Variants in KIAA1671 observed in about 807,000 individuals in gnomAD.
The protein encoded by KIAA1671 is uncharacterized protein KIAA1671.
KIAA1671 carries 52 observed loss-of-function variants against 131.2 expected under a neutral mutation model. That is an observed-to-expected ratio of 0.40 (90% confidence interval 0.32 to 0.50). KIAA1671 has a LOEUF of 0.50. Ranked by LOEUF, KIAA1671 falls within the 20% of genes least tolerant of loss-of-function variation. KIAA1671 has a pLI of 0.73. For missense variants in KIAA1671, 2,360 were observed against 2,364.2 expected (o/e 1.00, Z 0.04); for synonymous variants, 1,003 against 961.6 (o/e 1.04, Z -0.80).
At chr22:24,966,044 G>A (rs566919268) in intron 1 of KIAA1671, among the ~76,000 whole-genome samples, 8 of 152,276 alleles carry the variant, frequency 5.3e-5, no homozygotes, top group South Asian at 2.1e-4. Flanking sequence ...GAGGTGAAAC[G>A]CCTTGCTTCG....
chr22:25,105,225 T>C (rs1930936863), intron 6 of KIAA1671, among the ~76,000 whole-genome samples: 1 of 152,196 alleles, frequency 6.6e-6, no homozygotes, highest in Non-Finnish European at 1.5e-5. Flanking sequence ...TTTCGCCATG[T>C]TGGCCATGCT....
intron 6 of KIAA1671, chr22:25,052,294 C>G (rs1019512189): frequency 6.6e-6 from 1 of 152,278 alleles, no homozygotes; most frequent in Admixed American, 6.5e-5. Context: ...GCAGAGGGTG[C>G]CTGGGACCTG....
At chr22:24,991,158 T>G (rs958734949) in intron 1 of KIAA1671, among the ~76,000 whole-genome samples, 5 of 152,156 alleles carry the variant, frequency 3.3e-5, no homozygotes, top group African/African-American at 1.2e-4. Context: ...TAGCTGGGAC[T>G]ACAGGCACAC....
At chr22:24,988,820 G>C (rs1923690932) in intron 1 of KIAA1671, among the ~76,000 whole-genome samples, 1 of 152,024 alleles carries the variant, frequency 6.6e-6, no homozygotes, top group South Asian at 2.1e-4. Flanking sequence ...GATGGGGAGG[G>C]AATGGGGCAG....
chr22:25,130,217 A>G (rs577154939), intron 6 of KIAA1671, among the ~76,000 whole-genome samples: 2 of 152,386 alleles, frequency 1.3e-5, no homozygotes, highest in African/African-American at 4.8e-5. Context: ...CAAAAGGTAT[A>G]TATCATAAAG....
chr22:25,183,614 C>A (rs952139487), intron 10 of KIAA1671, among the ~76,000 whole-genome samples: 1 of 151,826 alleles, frequency 6.6e-6, no homozygotes, highest in Non-Finnish European at 1.5e-5. Context: ...GCTCCGCCTC[C>A]CGGGTTCAAG....
chr22:25,124,512 C>A (rs1421745119), intron 6 of KIAA1671, among the ~76,000 whole-genome samples: 1 of 152,202 alleles, frequency 6.6e-6, no homozygotes, highest in East Asian at 1.9e-4. Flanking sequence ...GAGCTTGGCT[C>A]TCCCTTCAGA....
chr22:24,977,880 TAAAC>T (rs1161029667), intron 1 of KIAA1671, among the ~76,000 whole-genome samples: 3 of 152,192 alleles, frequency 2.0e-5, no homozygotes, highest in African/African-American at 7.2e-5. Flanking sequence ...CTTCTTGTCT[TAAAC>T]AAACCAAACC....
chr22:25,076,813 G>C (rs1266212709), intron 6 of KIAA1671, among the ~76,000 whole-genome samples: 1 of 152,216 alleles, frequency 6.6e-6, no homozygotes, highest in Admixed American at 6.5e-5. Context: ...CCTACTGAGT[G>C]CTCACAAAAT....
intron 6 of KIAA1671, chr22:25,053,170 C>G (rs1927633132): frequency 6.6e-6 from 1 of 151,982 alleles, no homozygotes. Flanking sequence ...GTCCTGTGGC[C>G]TCTAGAGGCA....
At chr22:25,074,404 C>T (rs1411409457) in intron 6 of KIAA1671, among the ~76,000 whole-genome samples, 1 of 145,120 alleles carries the variant, frequency 6.9e-6, no homozygotes, top group Non-Finnish European at 1.5e-5. Flanking sequence ...ACTCGGGAGG[C>T]TGAGGCAGGA....
intron 1 of KIAA1671, among the ~76,000 whole-genome samples, chr22:24,953,497 C>A (rs756103165): frequency 2.0e-4 from 31 of 152,158 alleles, no homozygotes; most frequent in Non-Finnish European, 3.1e-4. Flanking sequence ...CCTGCGCCCC[C>A]CCTCCGCTCG....
intron 7 of KIAA1671, among the ~76,000 whole-genome samples, chr22:25,172,020 A>G (rs917288845): frequency 6.6e-6 from 1 of 152,244 alleles, no homozygotes; most frequent in Admixed American, 6.5e-5. Context: ...ATGGATAAGA[A>G]AAAGTAAAAG....
At chr22:25,146,691 C>T (rs1007127929) in intron 6 of KIAA1671, among the ~76,000 whole-genome samples, 6 of 151,518 alleles carry the variant, frequency 4.0e-5, no homozygotes, top group South Asian at 4.1e-4. Flanking sequence ...GGATAATGTT[C>T]CCCCCACTCC....
chr22:25,029,343 CACCTTG>C lies in KIAA1671; in HGVS notation c.1345_1350del (p.Thr449_Leu450del). The C allele has an allele frequency of 6.5e-7, 1 of 1,549,964 alleles. No homozygotes were observed. The highest frequency in any genetic ancestry group is 8.7e-7 in the Non-Finnish European group (1 of 1,146,118). On this transcript the variant is annotated inframe_deletion, in exon 3 of 13. Coordinates refer to ENST00000358431, the MANE Select transcript of KIAA1671 (RefSeq NM_001145206.2). ...GCATCAGCCTGTTTCGGGAGGACAG[CACCTTG>C]GCCTTGGCAGTGGGGTCTGAATCTC...
chr22:25,093,812 GTCTCTCTCTCTT>G (rs1930231637), intron 6 of KIAA1671, among the ~76,000 whole-genome samples: 1 of 31,008 alleles, frequency 3.2e-5, no homozygotes, highest in Non-Finnish European at 5.7e-5. Flanking sequence ...CTCTCTCTCT[GTCTCTCTCTCTT>G]TCTCTCTCTG....
chr22:25,074,158 G>A (rs1261352334), intron 6 of KIAA1671, among the ~76,000 whole-genome samples: 1 of 151,464 alleles, frequency 6.6e-6, no homozygotes, highest in Non-Finnish European at 1.5e-5. Context: ...TGTATAATCT[G>A]TTGTGTGTAT....
intron 1 of KIAA1671, among the ~76,000 whole-genome samples, chr22:24,971,286 G>A (rs190595449): frequency 2.0e-3 from 303 of 152,282 alleles, no homozygotes; most frequent in African/African-American, 7.1e-3. Flanking sequence ...CTATCTAGCT[G>A]TCTGATTCCA....
chr22:25,040,924 C>G lies in KIAA1671; in HGVS notation c.3794C>G (p.Ser1265Cys). 2 of 1,493,724 alleles carry G rather than the reference C, an allele frequency of 1.3e-6. No individual in the cohort carries two copies. The highest frequency in any genetic ancestry group is 1.8e-6 in the Non-Finnish European group (2 of 1,121,672). 92.5% of individuals were successfully genotyped at this position (1,493,724 alleles called of 1,614,324 possible). The change falls in exon 5 of 13, where the codon TCT (serine) becomes TGT (cysteine). Residue 1265 changes from serine (S) to cysteine (C), a missense_variant. By Grantham distance (112) the Ser-to-Cys change is moderately radical. Transcript: ENST00000358431. ...GGGGGTCTCTGGAAACCGGCCAGTT[C>G]TGCCGAAATAAATCACAGTTTCACT... Reference protein sequence around the residue: ...DTGGLWKPASSAEINHSFTPG... With the variant: ...DTGGLWKPASCAEINHSFTPG...
Sources: allele counts gnomAD v4.1 joint callset (sites outside exome capture counted in the v4.1 genomes callset), GRCh38; gene constraint gnomAD v4.1.1; transcripts MANE v1.5; gene names NCBI Gene and HGNC (gene_info 2026-07-23, HGNC 2026-07-21).